Variants in PABPC4L observed in about 807,000 individuals in gnomAD.
PABPC4L encodes polyadenylate-binding protein 4-like.
For synonymous variants in PABPC4L, 169 were observed against 164.1 expected (o/e 1.03, Z -0.23); for missense variants, 452 against 451.4 (o/e 1.00, Z -0.01).
chr4:134,004,549 T>C, the PABPC4L span, among the ~76,000 whole-genome samples: 12 of 151,882 alleles, frequency 7.9e-5, no homozygotes, highest in South Asian at 4.1e-4. Context: ...ACAGCCACTA[T>C]AGAAATCAGT....
chr4:134,194,614 C>CT (rs1166080140), downstream of PABPC4L, among the ~76,000 whole-genome samples: 2 of 151,656 alleles, frequency 1.3e-5, no homozygotes, highest in Admixed American at 6.6e-5. Flanking sequence ...CCTATAATAT[C>CT]TTTTTTCTAG....
At chr4:134,129,272 CA>C in the PABPC4L span, among the ~76,000 whole-genome samples, 7 of 152,164 alleles carry the variant, frequency 4.6e-5, no homozygotes, top group East Asian at 1.3e-3. Context: ...GTCATCAAGA[CA>C]GAAAGTCAAC....
At chr4:134,049,456 G>T in the PABPC4L span, among the ~76,000 whole-genome samples, 3 of 152,028 alleles carry the variant, frequency 2.0e-5, no homozygotes, top group African/African-American at 7.2e-5. Context: ...TTATAACTGG[G>T]TATCTCCTAT....
the PABPC4L span, among the ~76,000 whole-genome samples, chr4:133,973,030 C>T: frequency 6.6e-6 from 1 of 151,986 alleles, no homozygotes; most frequent in African/African-American, 2.4e-5. Flanking sequence ...AAGCAGAGAG[C>T]CACAGAAATT....
chr4:134,139,548 T>C, the PABPC4L span, among the ~76,000 whole-genome samples: 1 of 151,964 alleles, frequency 6.6e-6, no homozygotes, highest in African/African-American at 2.4e-5. Context: ...TACTCTGTAA[T>C]AATGCTTCCA....
chr4:134,147,366 C>T, the PABPC4L span, among the ~76,000 whole-genome samples: 1 of 152,092 alleles, frequency 6.6e-6, no homozygotes, highest in African/African-American at 2.4e-5. Flanking sequence ...ATCAACAAAT[C>T]CTGCATGATG....
At chr4:134,109,776 T>G in the PABPC4L span, among the ~76,000 whole-genome samples, 1 of 151,854 alleles carries the variant, frequency 6.6e-6, no homozygotes, top group Admixed American at 6.6e-5. Flanking sequence ...GACATCGTCT[T>G]GCTCTGTCAC....
At chr4:134,040,615 T>C in the PABPC4L span, among the ~76,000 whole-genome samples, 26 of 152,234 alleles carry the variant, frequency 1.7e-4, no homozygotes, top group African/African-American at 6.3e-4. Context: ...TCTAAAACCA[T>C]AAAAACCCTA....
the PABPC4L span, among the ~76,000 whole-genome samples, chr4:134,175,425 A>AATTAATTAATTAATCAATCAATT: frequency 6.6e-6 from 1 of 151,796 alleles, no homozygotes; most frequent in African/African-American, 2.4e-5. Flanking sequence ...TTTATTTTTT[A>AATTAATTAATTAATCAATCAATT]AATTAATTAA....
the PABPC4L span, among the ~76,000 whole-genome samples, chr4:134,100,803 T>C: frequency 6.6e-6 from 1 of 151,622 alleles, no homozygotes; most frequent in East Asian, 2.0e-4. Context: ...AAGATATCCC[T>C]TTGCAATTTT....
the PABPC4L span, among the ~76,000 whole-genome samples, chr4:134,148,151 A>G: frequency 1.7e-4 from 26 of 151,996 alleles, no homozygotes; most frequent in Admixed American, 1.6e-3. Flanking sequence ...AGAAACACAG[A>G]GATTGATACT....
rs758010622 is a variant in PABPC4L, at chr4:134,200,692, C to A, written c.328G>T (p.Asp110Tyr). The change falls in exon 2 of 2, where the codon GAT becomes TAT. Residue 110 changes from aspartate to tyrosine, a missense_variant. Transcript: ENST00000421491. Reference protein sequence around the residue: ...VFIKNLDKSIDNKTLYEHFSA... With the variant: ...VFIKNLDKSIYNKTLYEHFSA... ...AAATGTTCATAAAGGGTTTTGTTAT[C>A]GATAGATTTGTCCAGATTCTTGATG... The A allele has an allele frequency of 1.5e-5, 23 of 1,551,536 alleles. No homozygotes were observed. The highest frequency in any genetic ancestry group is 9.8e-5 in the East Asian group (4 of 40,928).
chr4:133,985,696 G>T, the PABPC4L span, among the ~76,000 whole-genome samples: 3 of 151,962 alleles, frequency 2.0e-5, no homozygotes, highest in African/African-American at 7.2e-5. Context: ...TAGTAAAATT[G>T]CTTGAGGCAG....
At chr4:133,986,738 A>AT in the PABPC4L span, among the ~76,000 whole-genome samples, 1 of 144,638 alleles carries the variant, frequency 6.9e-6, no homozygotes. Context: ...TAGTGAGAAG[A>AT]CTTTTTTTTT....
At chr4:133,954,094 T>C in the PABPC4L span, among the ~76,000 whole-genome samples, 1 of 152,330 alleles carries the variant, frequency 6.6e-6, no homozygotes, top group East Asian at 1.9e-4. Flanking sequence ...TCTTACATTG[T>C]TCTAATTCTT....
chr4:133,964,599 A>G, the PABPC4L span, among the ~76,000 whole-genome samples: 1 of 152,176 alleles, frequency 6.6e-6, no homozygotes, highest in Non-Finnish European at 1.5e-5. Flanking sequence ...ATCCAACCAC[A>G]TATCAAAAAG....
chr4:134,136,052 G>A, the PABPC4L span, among the ~76,000 whole-genome samples: 6 of 152,038 alleles, frequency 3.9e-5, no homozygotes, highest in East Asian at 9.7e-4. Flanking sequence ...ATATCAGATC[G>A]AATCCCATGA....
the PABPC4L span, among the ~76,000 whole-genome samples, chr4:133,992,110 C>A: frequency 6.6e-6 from 1 of 152,118 alleles, no homozygotes; most frequent in East Asian, 1.9e-4. Flanking sequence ...GATGTCCCAT[C>A]CCCCCATTGG....
At chr4:134,178,708 T>A in the PABPC4L span, among the ~76,000 whole-genome samples, 10 of 152,124 alleles carry the variant, frequency 6.6e-5, no homozygotes, top group Admixed American at 6.6e-4. Flanking sequence ...ACTAAACAGT[T>A]CTGAAAGAGC....
Sources: allele counts gnomAD v4.1 joint callset (sites outside exome capture counted in the v4.1 genomes callset), GRCh38; gene constraint gnomAD v4.1.1; transcripts MANE v1.5; gene names NCBI Gene and HGNC (gene_info 2026-07-23, HGNC 2026-07-21).